The following ATG10 variants were observed in gnomAD, a reference collection of about 807,000 sequenced individuals.
ATG10 encodes autophagy related 10.
In ATG10, 30 loss-of-function variants were observed where a neutral mutation model predicts 32.1. That is an observed-to-expected ratio of 0.94 (90% CI 0.70 to 1.27). The LOEUF is 1.27. ATG10 is among the 50% of genes most tolerant of loss of function. The pLI is 0.00. For synonymous variants in ATG10, 87 were observed against 91.5 expected (o/e 0.95, Z 0.28); for missense variants, 233 against 262.3 (o/e 0.89, Z 0.77).
intron 5 of ATG10, among the ~76,000 whole-genome samples, chr5:82,220,549 A>C (rs1188797492): frequency 1.3e-5 from 2 of 151,538 alleles, no homozygotes; most frequent in Admixed American, 1.3e-4. Flanking sequence ...GGTGTGAGCT[A>C]CCGCGCCTGG....
chr5:82,098,230 T>G (rs146545360), intron 3 of ATG10, among the ~76,000 whole-genome samples: 183 of 152,174 alleles, frequency 1.2e-3, no homozygotes, highest in African/African-American at 4.2e-3. Flanking sequence ...CCTAAAGAGA[T>G]AGACTATATG....
intron 2 of ATG10, among the ~76,000 whole-genome samples, chr5:82,011,792 T>G (rs1180035926): frequency 1.3e-5 from 2 of 152,154 alleles, no homozygotes; most frequent in African/African-American, 2.4e-5. Flanking sequence ...ACACAAAGCC[T>G]CCTCATCAGC....
At chr5:82,190,773 C>CAAAAAAAA (rs35513819) in intron 5 of ATG10, among the ~76,000 whole-genome samples, 6 of 53,656 alleles carry the variant, frequency 1.1e-4, no homozygotes, top group Admixed American at 3.4e-4. Flanking sequence ...GACTCCATCT[C>CAAAAAAAA]AAAAAAAAAA....
chr5:81,986,634 T>G (rs1581569017), intron 1 of ATG10, among the ~76,000 whole-genome samples: 1 of 152,148 alleles, frequency 6.6e-6, no homozygotes, highest in Non-Finnish European at 1.5e-5. Context: ...ATCATTGGCC[T>G]TGAAGCCAAA....
chr5:82,102,767 A>T (rs186603189), intron 3 of ATG10, among the ~76,000 whole-genome samples: 52 of 152,272 alleles, frequency 3.4e-4, no homozygotes, highest in African/African-American at 1.1e-3. Flanking sequence ...TAACTTTCTA[A>T]TACTTATTCA....
At chr5:82,175,522 G>C (rs1036441451) in intron 4 of ATG10, among the ~76,000 whole-genome samples, 2 of 152,154 alleles carry the variant, frequency 1.3e-5, no homozygotes, top group Admixed American at 1.3e-4. Context: ...GAATATAACT[G>C]AATTGTACAC....
At chr5:82,139,527 G>T (rs1284639522) in intron 3 of ATG10, among the ~76,000 whole-genome samples, 1 of 144,318 alleles carries the variant, frequency 6.9e-6, no homozygotes, top group Non-Finnish European at 1.5e-5. Flanking sequence ...GCCTCTGCCC[G>T]GCCGAGACCC....
chr5:82,117,035 C>T (rs1010409789), intron 3 of ATG10, among the ~76,000 whole-genome samples: 1 of 151,922 alleles, frequency 6.6e-6, no homozygotes, highest in Non-Finnish European at 1.5e-5. Context: ...TTATTAGGTG[C>T]CATTTAGTTA....
At chr5:82,173,420 T>C (rs1012694505) in intron 4 of ATG10, among the ~76,000 whole-genome samples, 6 of 152,222 alleles carry the variant, frequency 3.9e-5, no homozygotes, top group Non-Finnish European at 7.4e-5. Flanking sequence ...GATTGTACTT[T>C]TTAATTATTC....
intron 2 of ATG10, among the ~76,000 whole-genome samples, chr5:82,007,087 C>G (rs995180545): frequency 6.6e-6 from 1 of 152,086 alleles, no homozygotes; most frequent in Non-Finnish European, 1.5e-5. Flanking sequence ...CTCTTGACCT[C>G]GTGATCTGCC....
At chr5:82,241,341 C>G (rs1746794450) in intron 5 of ATG10, among the ~76,000 whole-genome samples, 1 of 152,190 alleles carries the variant, frequency 6.6e-6, no homozygotes, top group Admixed American at 6.5e-5. Context: ...TCTGCTTTCC[C>G]TCTTGCCCTT....
At chr5:82,083,567 G>T (rs1423612564) in intron 3 of ATG10, among the ~76,000 whole-genome samples, 1 of 152,178 alleles carries the variant, frequency 6.6e-6, no homozygotes, top group Non-Finnish European at 1.5e-5. Context: ...TAGCCTAACT[G>T]GGAGACACCT....
chr5:82,208,509 C>T (rs1413611700), intron 5 of ATG10, among the ~76,000 whole-genome samples: 5 of 152,104 alleles, frequency 3.3e-5, no homozygotes, highest in East Asian at 1.9e-4. Flanking sequence ...ATAGAACTGG[C>T]GCGTCTTTTG....
intron 5 of ATG10, among the ~76,000 whole-genome samples, chr5:82,218,055 A>ACACG (rs1745762258): frequency 7.0e-6 from 1 of 142,734 alleles, no homozygotes; most frequent in Admixed American, 6.9e-5. Context: ...CTCTCTTTAC[A>ACACG]CACACACACA....
chr5:82,076,468 T>C (rs1764275711), intron 3 of ATG10, among the ~76,000 whole-genome samples: 1 of 152,226 alleles, frequency 6.6e-6, no homozygotes, highest in South Asian at 2.1e-4. Context: ...TGGAATGTCA[T>C]AGGAGAATAC....
chr5:82,090,768 T>G (rs1764855498), intron 3 of ATG10, among the ~76,000 whole-genome samples: 1 of 152,146 alleles, frequency 6.6e-6, no homozygotes, highest in South Asian at 2.1e-4. Flanking sequence ...ATGTTGCCAT[T>G]GGGAGAAATT....
intron 2 of ATG10, among the ~76,000 whole-genome samples, chr5:82,004,874 G>A (rs189847349): frequency 6.6e-6 from 1 of 152,212 alleles, no homozygotes; most frequent in East Asian, 1.9e-4. Flanking sequence ...TTTTGGACTG[G>A]TAACAATTAA....
intron 5 of ATG10, among the ~76,000 whole-genome samples, chr5:82,224,054 C>T (rs1746027574): frequency 6.6e-6 from 1 of 152,158 alleles, no homozygotes; most frequent in African/African-American, 2.4e-5. Flanking sequence ...CAGGGTGTGA[C>T]AAGGCAAAGG....
chr5:82,010,416 C>T (rs966469630), intron 2 of ATG10, among the ~76,000 whole-genome samples: 1 of 152,084 alleles, frequency 6.6e-6, no homozygotes, highest in African/African-American at 2.4e-5. Flanking sequence ...AATTATGTAT[C>T]TATAATGTTG....
Sources: gnomAD v4.1 joint callset for allele counts (sites outside exome capture counted in the v4.1 genomes callset) on GRCh38, gnomAD v4.1.1 for gene constraint, MANE v1.5 for transcripts, NCBI Gene and HGNC (gene_info 2026-07-23, HGNC 2026-07-21) for gene names.